Variants in PCDHA4 observed in about 807,000 individuals in gnomAD.
PCDHA4 encodes protocadherin alpha 4.
Under a neutral mutation model 61.4 loss-of-function variants are expected in PCDHA4, and 49 were observed. That is an observed-to-expected ratio of 0.80 (90% CI 0.63 to 1.01). The LOEUF (loss-of-function observed/expected upper bound fraction) is 1.01, where lower values mean the gene tolerates loss of function less well. Among genes scored for constraint, PCDHA4 ranks in the 50% least tolerant of loss-of-function variants. The pLI is 0.00. For missense variants in PCDHA4, 1,254 were observed against 1,235.8 expected (o/e 1.01, Z -0.22); for synonymous variants, 590 against 550.3 (o/e 1.07, Z -1.01).
At position 140,808,941 on chromosome 5, in the gene PCDHA4, T is replaced by A; in HGVS notation, c.1754T>A (p.Val585Glu). ...GAVSELVPWS[V>E]GVGHVVAKVR... is the part of the protein sequence containing the mutation. ...GTGAGCGAGCTGGTGCCATGGTCGG[T>A]GGGTGTGGGCCACGTGGTGGCAAAG... is the stretch of plus-strand genomic sequence containing the variant. Residue 585 changes from valine (V) to glutamate (E), a missense_variant, in exon 1 of 4, where the codon GTG becomes GAG. Coordinates refer to ENST00000530339, the MANE Select transcript of PCDHA4 (RefSeq NM_018907.4). The A allele has an allele frequency of 6.2e-7, 1 of 1,613,526 alleles. No individual in the cohort carries two copies.
chr5:140,829,655 C>G, intron 1 of PCDHA4: 3 of 1,612,510 alleles, frequency 1.9e-6, no homozygotes, highest in Non-Finnish European at 2.5e-6. Context: ...CGCGCTGCAG[C>G]CGCTGGACCA....
intron 1 of PCDHA4, among the ~76,000 whole-genome samples, chr5:140,833,369 A>T (rs2150207984): frequency 2.0e-5 from 3 of 152,192 alleles, no homozygotes; most frequent in Admixed American, 1.3e-4. Context: ...AGTAAGGTAG[A>T]TCCAAAAAGG....
intron 1 of PCDHA4, among the ~76,000 whole-genome samples, chr5:140,933,686 C>T (rs186587135): frequency 6.6e-6 from 1 of 151,890 alleles, no homozygotes; most frequent in Non-Finnish European, 1.5e-5. Flanking sequence ...ATTTTTTTTC[C>T]TATTCCTCGG....
intron 1 of PCDHA4, among the ~76,000 whole-genome samples, chr5:140,938,952 C>G (rs1036829091): frequency 4.6e-5 from 7 of 152,104 alleles, no homozygotes; most frequent in South Asian, 2.1e-4. Flanking sequence ...TTATAATGCT[C>G]TAGTCGGAGT....
chr5:140,837,634 T>A (rs918973848), intron 1 of PCDHA4, among the ~76,000 whole-genome samples: 4 of 134,932 alleles, frequency 3.0e-5, no homozygotes, highest in Admixed American at 1.4e-4. Context: ...CCTTCCTTCC[T>A]TTCTTTCTTT....
chr5:140,915,677 A>C (rs1352514451), intron 1 of PCDHA4, among the ~76,000 whole-genome samples: 4 of 150,138 alleles, frequency 2.7e-5, no homozygotes, highest in African/African-American at 9.8e-5. Flanking sequence ...GCCATCTTGA[A>C]CTAGGGGTAT....
chr5:140,883,494 T>C, intron 1 of PCDHA4: 1 of 1,614,208 alleles, frequency 6.2e-7, no homozygotes, highest in Non-Finnish European at 8.5e-7. Flanking sequence ...TCATTAGTGC[T>C]GGACAGCGCC....
In PCDHA4 at chr5:140,807,545, G is replaced by C; in HGVS notation, c.358G>C (p.Asp120His). Residue 120 changes from aspartate to histidine, a missense_variant, in exon 1 of 4, where the codon GAC becomes CAC. Transcript: ENST00000530339. ...CAGGCCGCTGCAGGTTTTCCATGTG[G>C]ACGTGGAGGTGAGGGACATTAACGA... ...VDRPLQVFHV[D>H]VEVRDINDNP... The C allele has an allele frequency of 6.2e-7, 1 of 1,614,188 alleles. No individual in the cohort carries two copies. Among genetic ancestry groups the C allele is most frequent in the Non-Finnish European group, 8.5e-7 (1 of 1,180,010 alleles).
chr5:140,946,731 G>T (rs1183627101), intron 1 of PCDHA4, among the ~76,000 whole-genome samples: 1 of 150,574 alleles, frequency 6.6e-6, no homozygotes, highest in African/African-American at 2.5e-5. Flanking sequence ...AATAAGCCAG[G>T]CACAGAAAGA....
chr5:140,865,725 A>G (rs1326307411), intron 1 of PCDHA4: 1 of 152,210 alleles, frequency 6.6e-6, no homozygotes, highest in Non-Finnish European at 1.5e-5. Context: ...AGAAGCTGAG[A>G]TGTGTATCTA....
chr5:140,856,156 G>A, intron 1 of PCDHA4: 1 of 1,598,364 alleles, frequency 6.3e-7, no homozygotes, highest in Non-Finnish European at 8.6e-7. Context: ...CAGTCTACGA[G>A]GAGGCCAGAC....
At chr5:140,811,070 A>G (rs1554125659) in intron 1 of PCDHA4, 1 of 152,168 alleles carries the variant, frequency 6.6e-6, no homozygotes, top group Admixed American at 6.5e-5. Context: ...GGTTTGTTAC[A>G]TAGGTATACA....
intron 1 of PCDHA4, among the ~76,000 whole-genome samples, chr5:140,838,078 G>T (rs1414212899): frequency 5.1e-3 from 32 of 6,318 alleles, no homozygotes; most frequent in East Asian, 4.1e-3. Context: ...TATATATATA[G>T]TGTGTGTGTG....
Position 140,807,638 on chromosome 5 carries a change from C to G in PCDHA4, c.451C>G (p.Arg151Gly). 6.2e-7 allele frequency: 1 copy of G among 1,614,192 alleles called. No homozygotes were observed. The highest frequency in any genetic ancestry group is 8.5e-7 in the Non-Finnish European group (1 of 1,180,036). Residue 151 changes from arginine to glycine, a missense_variant, in exon 1 of 4, where the codon CGG becomes GGG. By Grantham distance (125) the Arg-to-Gly change is moderately radical (BLOSUM62 -2). Transcript: ENST00000530339. ...SIAESRPLDS[R>G]FPLEGASDAD... is the part of the protein sequence containing the mutation. ...CGCGGAATCCAGGCCGCTTGACTCT[C>G]GGTTTCCACTAGAGGGCGCCTCGGA... is the stretch of plus-strand genomic sequence containing the variant.
intron 1 of PCDHA4, chr5:140,848,913 C>A (rs2150424583): frequency 6.2e-7 from 1 of 1,608,160 alleles, no homozygotes; most frequent in South Asian, 1.1e-5. Flanking sequence ...ACAAAAGAAT[C>A]TGTTCATCGC....
rs995118768 is a variant in PCDHA4 at position 140,943,957 on chromosome 5, T to G, written c.2386-34992T>G. Among the ~76,000 whole-genome samples the G allele has an allele frequency of 2.6e-5, 4 of 152,224 alleles. No individual in the cohort carries two copies. The South Asian group carries it at 8.3e-4, about 32-fold the overall frequency. On this transcript the variant is annotated intron_variant, in intron 1 of 3. Coordinates refer to ENST00000530339, the MANE Select transcript of PCDHA4 (RefSeq NM_018907.4). ...TGTGGTTATAGGAGAAGCAGTGAAT[T>G]AAAGAGTTAAAGTAATTAAGAAAAC... is the stretch of plus-strand genomic sequence containing the variant.
Position 140,850,923 on chromosome 5 carries a change from A to T in PCDHA4, c.2385+41351A>T, listed in dbSNP as rs2150502523. The stretch of plus-strand genomic sequence containing the variant: ...TTCTAGCATTTTATTTATTTATATA[A>T]TTTTTTTTCTTGAAAGATATTATCG... On this transcript the variant is annotated intron_variant, in intron 1 of 3. Transcript: ENST00000530339. 9.9e-6 allele frequency: 15 copies of T among 1,521,828 alleles called. 1 individual carries two copies. In the African/African-American group the frequency reaches 1.4e-4, roughly 14 times the overall value. The allele number at this position is 1,521,828 out of a possible 1,614,324, so 94.3% of individuals were successfully genotyped here.
In PCDHA4 at chr5:140,857,546, G is replaced by A. The variant is rs1554150192; in HGVS notation, c.2385+47974G>A. 8 of 1,596,870 alleles carry A rather than the reference G, an allele frequency of 5.0e-6. 2 individuals carry two copies. In the Admixed American group the frequency reaches 8.4e-5, roughly 17 times the overall value. On this transcript the variant is annotated intron_variant, in intron 1 of 3. Coordinates refer to ENST00000530339, the MANE Select transcript of PCDHA4 (RefSeq NM_018907.4). ...CTCTCTGGTGGAGCGGCGGTTGGGC[G>A]AGCGCTCGCTGTCGAGCTACGTGTC...
Position 141,010,424 on chromosome 5 carries a change from C to A in PCDHA4, c.*487C>A. ...CTTAGACTAATTGGTACAAGGAAGGCAAGAAAACAAAGACAAATAAACAGC... is the reference window on the plus strand; with the variant it reads ...CTTAGACTAATTGGTACAAGGAAGGAAAGAAAACAAAGACAAATAAACAGC... On this transcript the variant is annotated 3_prime_UTR_variant, in exon 4 of 4. Transcript: ENST00000530339. The A allele has an allele frequency of 9.0e-7, 1 of 1,113,698 alleles. No homozygotes were observed. The highest frequency in any genetic ancestry group is 1.2e-6 in the Non-Finnish European group (1 of 808,116). 69.0% of individuals were successfully genotyped at this position (1,113,698 alleles called of 1,614,324 possible). A position where few individuals can be genotyped will look rare whatever the true frequency, so the allele number is the denominator to read the frequency against.
Sources: allele counts gnomAD v4.1 joint callset (sites outside exome capture counted in the v4.1 genomes callset), GRCh38; gene constraint gnomAD v4.1.1; transcripts MANE v1.5; gene names NCBI Gene and HGNC (gene_info 2026-07-23, HGNC 2026-07-21).